MAMDC2: variants seen among roughly 807,000 people sequenced by gnomAD.
MAMDC2 encodes the protein MAM domain containing 2.
MAMDC2 carries 57 observed loss-of-function variants against 89.8 expected under a neutral mutation model. The observed-to-expected ratio is 0.63, with a 90% CI of 0.51 to 0.79. MAMDC2 has a LOEUF of 0.79. Ranked by LOEUF, MAMDC2 falls within the 30% of genes least tolerant of loss-of-function variation. The probability of loss-of-function intolerance (pLI) is 0.00; values close to 1 mark genes in which losing one functional copy is unlikely to be tolerated. For synonymous variants in MAMDC2, 313 were observed against 293.4 expected (o/e 1.07, Z -0.68); for missense variants, 800 against 820.6 (o/e 0.97, Z 0.31).
At chr9:70,091,891 C>G (rs1353675087) in intron 2 of MAMDC2, among the ~76,000 whole-genome samples, 1 of 152,212 alleles carries the variant, frequency 6.6e-6, no homozygotes, top group Non-Finnish European at 1.5e-5. Flanking sequence ...ATTTATTTCT[C>G]ATAAGCCTTA....
chr9:70,206,436 A>C (rs1322963446), intron 11 of MAMDC2, among the ~76,000 whole-genome samples: 1 of 152,140 alleles, frequency 6.6e-6, no homozygotes, highest in East Asian at 1.9e-4. Context: ...ACATACACTA[A>C]GGATCAGGAA....
intron 11 of MAMDC2, among the ~76,000 whole-genome samples, chr9:70,198,607 CCTA>C (rs2033026860): frequency 6.6e-6 from 1 of 152,188 alleles, no homozygotes; most frequent in South Asian, 2.1e-4. Context: ...TCTCCCTGAT[CCTA>C]CTATTCCAGA....
At chr9:70,218,893 A>G (rs2033500612) in intron 12 of MAMDC2, among the ~76,000 whole-genome samples, 1 of 152,172 alleles carries the variant, frequency 6.6e-6, no homozygotes, top group Admixed American at 6.5e-5. Flanking sequence ...TGTATCATGC[A>G]TATCTCCAAA....
At chr9:70,132,684 GT>G (rs1281133224) in intron 7 of MAMDC2, among the ~76,000 whole-genome samples, 3 of 151,820 alleles carry the variant, frequency 2.0e-5, no homozygotes, top group African/African-American at 2.4e-5. Context: ...AGACTGGCTA[GT>G]TTTTTTGGTT....
chr9:70,073,858 T>C lies in MAMDC2; in HGVS notation c.148+29161T>C, dbSNP rs138259542. Among the ~76,000 whole-genome samples the C allele has an allele frequency of 2.2e-4, 33 of 152,304 alleles. No individual in the cohort carries two copies. In the East Asian group the frequency reaches 5.4e-3, roughly 25 times the overall value. The stretch of plus-strand genomic sequence containing the variant: ...TCTCTTCTACATCTTACATTGGTCT[T>C]AACAGTGCCTGTGATTACTTCAACA... On this transcript the variant is annotated intron_variant, in intron 2 of 13. Transcript: ENST00000377182.
intron 2 of MAMDC2, among the ~76,000 whole-genome samples, chr9:70,104,332 T>C (rs1828277144): frequency 6.6e-6 from 1 of 152,226 alleles, no homozygotes; most frequent in Non-Finnish European, 1.5e-5. Flanking sequence ...GGAACTCTCA[T>C]ACATTGCTGG....
chr9:70,111,542 C>T (rs1459921301), intron 4 of MAMDC2, among the ~76,000 whole-genome samples: 1 of 152,192 alleles, frequency 6.6e-6, no homozygotes, highest in African/African-American at 2.4e-5. Context: ...GTAAAGTGCT[C>T]AGAATGGAGC....
At chr9:70,214,138 T>G (rs546259292) in intron 11 of MAMDC2, among the ~76,000 whole-genome samples, 6 of 151,910 alleles carry the variant, frequency 3.9e-5, no homozygotes, top group Non-Finnish European at 8.8e-5. Context: ...CAGGCAAACA[T>G]AAAAATAAGA....
intron 11 of MAMDC2, among the ~76,000 whole-genome samples, chr9:70,184,277 T>C (rs2032702837): frequency 6.6e-6 from 1 of 152,218 alleles, no homozygotes; most frequent in Non-Finnish European, 1.5e-5. Context: ...CTTCCCTTTC[T>C]AAGAAACCTG....
chr9:70,085,900 C>A (rs1827760698), intron 2 of MAMDC2: 1 of 151,968 alleles, frequency 6.6e-6, no homozygotes, highest in Non-Finnish European at 1.5e-5. Context: ...AATGAGAAAG[C>A]ACCTAGTTAT....
At chr9:70,129,946 G>A (rs2030720852) in intron 6 of MAMDC2, among the ~76,000 whole-genome samples, 1 of 151,970 alleles carries the variant, frequency 6.6e-6, no homozygotes, top group South Asian at 2.1e-4. Flanking sequence ...TTCTGGTGGT[G>A]TGCTGGCAAT....
At chr9:70,127,934 C>T (rs949255307) in intron 6 of MAMDC2, among the ~76,000 whole-genome samples, 1 of 152,160 alleles carries the variant, frequency 6.6e-6, no homozygotes, top group African/African-American at 2.4e-5. Flanking sequence ...CAACCATAAA[C>T]TCCTTGGGCA....
At chr9:70,051,948 GT>G (rs1826914758) in intron 2 of MAMDC2, among the ~76,000 whole-genome samples, 1 of 151,764 alleles carries the variant, frequency 6.6e-6, no homozygotes, top group East Asian at 1.9e-4. Context: ...GATAGATATA[GT>G]TTCACCTACA....
At chr9:70,220,720 T>C (rs2118694217) in intron 12 of MAMDC2, among the ~76,000 whole-genome samples, 1 of 152,194 alleles carries the variant, frequency 6.6e-6, no homozygotes, top group African/African-American at 2.4e-5. Context: ...TAAGCCACTG[T>C]TCTACACTGC....
chr9:70,124,190 A>C (rs1309613950), intron 5 of MAMDC2, among the ~76,000 whole-genome samples: 1 of 152,172 alleles, frequency 6.6e-6, no homozygotes, highest in Non-Finnish European at 1.5e-5. Flanking sequence ...TTATTGCCGC[A>C]TAAGAATATG....
intron 9 of MAMDC2, among the ~76,000 whole-genome samples, chr9:70,144,087 T>A (rs1302553341): frequency 6.6e-6 from 1 of 152,242 alleles, no homozygotes; most frequent in East Asian, 1.9e-4. Context: ...TGAGAGTACA[T>A]GAATTGTCCA....
chr9:70,122,376 A>G (rs1224586206), intron 5 of MAMDC2, among the ~76,000 whole-genome samples: 1 of 152,178 alleles, frequency 6.6e-6, no homozygotes, highest in Non-Finnish European at 1.5e-5. Flanking sequence ...TGCACAAAAT[A>G]TTGTCCACAC....
intron 12 of MAMDC2, among the ~76,000 whole-genome samples, chr9:70,222,323 T>C (rs183540272): frequency 6.6e-6 from 1 of 152,306 alleles, no homozygotes; most frequent in East Asian, 1.9e-4. Flanking sequence ...TCTATGTCTA[T>C]TAGAAATCCA....
chr9:70,202,413 G>C (rs1401164775), intron 11 of MAMDC2, among the ~76,000 whole-genome samples: 1 of 151,902 alleles, frequency 6.6e-6, no homozygotes, highest in Admixed American at 6.6e-5. Context: ...ACTGTGGTCT[G>C]AGAGATAGTT....
Sources: allele counts gnomAD v4.1 joint callset (sites outside exome capture counted in the v4.1 genomes callset), GRCh38; gene constraint gnomAD v4.1.1; transcripts MANE v1.5; gene names NCBI Gene and HGNC (gene_info 2026-07-23, HGNC 2026-07-21).